VPS13D: variants seen among roughly 807,000 people sequenced by gnomAD.
The protein encoded by VPS13D is vacuolar protein sorting 13 homolog D.
VPS13D carries 187 observed loss-of-function variants against 461.9 expected under a neutral mutation model. The ratio of observed to expected loss-of-function variants is 0.40; its 90% CI spans 0.36 to 0.46. VPS13D has a LOEUF of 0.46. Among genes scored for constraint, VPS13D ranks in the 20% least tolerant of loss-of-function variants. VPS13D has a pLI of 0.60. For missense variants in VPS13D, 4,711 were observed against 5,364.9 expected, an observed-to-expected ratio of 0.88 and a Z score of 3.81; for synonymous variants, 1,951 against 1,986.3, an observed-to-expected ratio of 0.98 and a Z score of 0.47.
At chr1:12,376,066 C>G (rs1644194276) in intron 55 of VPS13D, among the ~76,000 whole-genome samples, 1 of 152,192 alleles carries the variant, frequency 6.6e-6, no homozygotes, top group African/African-American at 2.4e-5. Context: ...GAAACTTGAT[C>G]TCACCTGGGT....
At position 12,495,759 on chromosome 1, in the gene VPS13D, A is replaced by G. The variant is rs555050470; in HGVS notation, c.12663-1741A>G. Among the ~76,000 whole-genome samples, 20 of 152,340 alleles carry G rather than the reference A, an allele frequency of 1.3e-4. No individual in the cohort carries two copies. The highest frequency in any genetic ancestry group is 3.3e-4 in the Admixed American group (5 of 15,308). On this transcript the variant is annotated intron_variant, in intron 67 of 69. Transcript: ENST00000620676. The surrounding 1 kb of genome is among the most constrained non-coding windows in gnomAD (Gnocchi z 4.0). The stretch of plus-strand genomic sequence containing the variant: ...CTTGGAGAGCCTTTGGGCTTCTACC[A>G]TGTAGCCTGACAGAGAGGTCAGCAG...
intron 58 of VPS13D, among the ~76,000 whole-genome samples, chr1:12,384,897 A>G (rs1409964350): frequency 2.0e-5 from 3 of 152,180 alleles, no homozygotes; most frequent in Non-Finnish European, 4.4e-5. Context: ...CTTGGACTAC[A>G]GGTGTGTGCC....
chr1:12,328,425 G>A (rs563944255), intron 36 of VPS13D, among the ~76,000 whole-genome samples: 1 of 148,658 alleles, frequency 6.7e-6, no homozygotes, highest in African/African-American at 2.5e-5. Flanking sequence ...GGTCTCAAAC[G>A]CATGGGCTCA....
chr1:12,418,009 C>G (rs1439780887), intron 65 of VPS13D, among the ~76,000 whole-genome samples: 1 of 152,158 alleles, frequency 6.6e-6, no homozygotes, highest in Non-Finnish European at 1.5e-5. Flanking sequence ...CGAGTTCAAG[C>G]AACTCTCCTG....
In VPS13D at chr1:12,509,040, A is replaced by T; in HGVS notation, c.*16A>T. ...GGACTCCTGAAGCCCCGCTGCTGAG[A>T]TGGGCGCTCCCGACACAGCGCAGAC... On this transcript the variant is annotated 3_prime_UTR_variant, in exon 70 of 70. Coordinates refer to ENST00000620676, the MANE Select transcript of VPS13D (RefSeq NM_015378.4). The T allele has an allele frequency of 6.2e-7, 1 of 1,613,208 alleles. No homozygotes were observed.
At chr1:12,501,724 T>C (rs1646038215) in intron 68 of VPS13D, among the ~76,000 whole-genome samples, 1 of 152,234 alleles carries the variant, frequency 6.6e-6, no homozygotes, top group African/African-American at 2.4e-5. Context: ...GCAGACACTG[T>C]ATTACCAACA....
intron 23 of VPS13D, 49 bp downstream of exon 23, chr1:12,291,173 C>T: frequency 6.3e-7 from 1 of 1,581,418 alleles, no homozygotes; most frequent in South Asian, 1.2e-5. Flanking sequence ...ATAATACTTG[C>T]TGTTTCAGAT....
intron 54 of VPS13D, among the ~76,000 whole-genome samples, chr1:12,373,095 G>GGTTTTTTTTTT (rs1238171794): frequency 2.7e-5 from 1 of 37,240 alleles, no homozygotes. Context: ...GTCTGGCTTG[G>GGTTTTTTTTTT]TTTTTTTTTT....
chr1:12,479,000 A>G, intron 67 of VPS13D: 1 of 421,572 alleles, frequency 2.4e-6, no homozygotes, highest in Non-Finnish European at 4.8e-6. Flanking sequence ...CCAGGTGCTA[A>G]AACAGAGCAG....
chr1:12,326,321 AT>A (rs763042688), intron 35 of VPS13D, among the ~76,000 whole-genome samples: 1,204 of 49,288 alleles, frequency 0.024, 20 homozygotes, highest in East Asian at 0.14. Context: ...AACCTTTTGG[AT>A]TTTTTTTTTT....
intron 67 of VPS13D, among the ~76,000 whole-genome samples, chr1:12,480,708 A>C (rs2206321): frequency 6.6e-6 from 1 of 152,134 alleles, no homozygotes; most frequent in Non-Finnish European, 1.5e-5. Context: ...CTGTTTAACC[A>C]TACCTAAAAA....
chr1:12,337,989 A>G (rs981247581), intron 39 of VPS13D: 6 of 106,740 alleles, frequency 5.6e-5, no homozygotes, highest in East Asian at 1.9e-4. Flanking sequence ...CTAATTCAGG[A>G]AAAAAAAAAA....
intron 46 of VPS13D, among the ~76,000 whole-genome samples, chr1:12,353,401 T>C (rs1322540413): frequency 6.6e-6 from 1 of 151,612 alleles, no homozygotes; most frequent in Non-Finnish European, 1.5e-5. Context: ...GACGTGGTGG[T>C]GGTCGCCTGT....
At chr1:12,270,450 TAAA>T (rs1641405434) in intron 16 of VPS13D, among the ~76,000 whole-genome samples, 1 of 151,544 alleles carries the variant, frequency 6.6e-6, no homozygotes, top group Non-Finnish European at 1.5e-5. Context: ...GACTTTGTCT[TAAA>T]AAAGAAGAAG....
chr1:12,373,095 GTTT>G (rs571503565), intron 54 of VPS13D, among the ~76,000 whole-genome samples: 2 of 37,236 alleles, frequency 5.4e-5, no homozygotes, highest in Non-Finnish European at 1.1e-4. Flanking sequence ...GTCTGGCTTG[GTTT>G]TTTTTTTTTT....
At chr1:12,329,567 G>A (rs915619775) in intron 36 of VPS13D, among the ~76,000 whole-genome samples, 1 of 152,222 alleles carries the variant, frequency 6.6e-6, no homozygotes, top group Non-Finnish European at 1.5e-5. Flanking sequence ...GCCAGGGCTG[G>A]CACTGTGGGA....
At chr1:12,360,107 T>C (rs1643927712) in intron 50 of VPS13D, among the ~76,000 whole-genome samples, 1 of 152,230 alleles carries the variant, frequency 6.6e-6, no homozygotes, top group Non-Finnish European at 1.5e-5. Context: ...TAAGCTGTTA[T>C]GCTAGGAGCA....
intron 60 of VPS13D, among the ~76,000 whole-genome samples, chr1:12,393,332 G>A (rs963822762): frequency 1.1e-4 from 16 of 152,234 alleles, no homozygotes; most frequent in African/African-American, 3.9e-4. Flanking sequence ...ATATACCCCT[G>A]CGGTTAGGAC....
chr1:12,417,223 A>G (rs1009224806), intron 65 of VPS13D, among the ~76,000 whole-genome samples: 2 of 152,200 alleles, frequency 1.3e-5, no homozygotes, highest in African/African-American at 4.8e-5. Context: ...GGGAAAGTCC[A>G]AGCTGAAGTA....
Sources: allele counts gnomAD v4.1 joint callset (sites outside exome capture counted in the v4.1 genomes callset), GRCh38; gene constraint gnomAD v4.1.1; non-coding constraint Gnocchi (gnomAD v3.1); transcripts MANE v1.5; gene names NCBI Gene and HGNC (gene_info 2026-07-23, HGNC 2026-07-21).